RPS6KC1: variants seen among roughly 807,000 people sequenced by gnomAD.
The protein encoded by RPS6KC1 is ribosomal protein S6 kinase C1, also known as inactive ribosomal protein S6 kinase delta-1.
RPS6KC1 carries 54 observed loss-of-function variants against 103.8 expected under a neutral mutation model. The observed-to-expected ratio is 0.52, with a 90% CI of 0.42 to 0.65. RPS6KC1 has a LOEUF of 0.65. RPS6KC1 is among the 30% of genes least tolerant of loss of function. The pLI is 0.00. For missense variants in RPS6KC1, 1,151 were observed against 1,253.8 expected (o/e 0.92, Z 1.24); for synonymous variants, 439 against 438.7 (o/e 1.00, Z -0.01).
At chr1:213,430,029 A>G in the RPS6KC1 span, among the ~76,000 whole-genome samples, 1 of 152,198 alleles carries the variant, frequency 6.6e-6, no homozygotes, top group Non-Finnish European at 1.5e-5. Context: ...TCATGAAGGA[A>G]GGGTTGGCTC....
chr1:213,250,998 C>T (rs535078981), intron 12 of RPS6KC1, among the ~76,000 whole-genome samples: 12 of 151,658 alleles, frequency 7.9e-5, no homozygotes, highest in Non-Finnish European at 1.6e-4. Flanking sequence ...ATTTGTGGCA[C>T]ATTTTATGGA....
the RPS6KC1 span, among the ~76,000 whole-genome samples, chr1:213,489,403 T>C: frequency 6.6e-6 from 1 of 152,120 alleles, no homozygotes; most frequent in Non-Finnish European, 1.5e-5. Flanking sequence ...GACATAACGC[T>C]TAGGAATCAT....
the RPS6KC1 span, chr1:213,820,178 C>G: frequency 6.6e-6 from 1 of 152,184 alleles, no homozygotes; most frequent in African/African-American, 2.4e-5. Context: ...AGTTATCCTC[C>G]ATTTCCCTAG....
chr1:213,631,293 C>A, the RPS6KC1 span, among the ~76,000 whole-genome samples: 5 of 151,118 alleles, frequency 3.3e-5, no homozygotes, highest in Non-Finnish European at 7.4e-5. Flanking sequence ...CACCCATCTT[C>A]TGTGTCGTTC....
intron 7 of RPS6KC1, among the ~76,000 whole-genome samples, chr1:213,172,392 G>A (rs1307027875): frequency 2.0e-5 from 3 of 152,080 alleles, no homozygotes; most frequent in Non-Finnish European, 4.4e-5. Flanking sequence ...CCAGGCGTTC[G>A]AGACCAGCCT....
chr1:213,283,135 G>A, the RPS6KC1 span, among the ~76,000 whole-genome samples: 4 of 152,072 alleles, frequency 2.6e-5, no homozygotes, highest in African/African-American at 7.2e-5. Context: ...ACCTCTACTC[G>A]CTCCGTACAT....
intron 8 of RPS6KC1, among the ~76,000 whole-genome samples, chr1:213,214,403 C>T (rs1208087778): frequency 6.6e-5 from 10 of 152,186 alleles, no homozygotes; most frequent in South Asian, 2.1e-4. Context: ...TGGAGCCCAG[C>T]GCAGCTCAAG....
chr1:213,271,637 G>T lies in RPS6KC1; in HGVS notation c.3091-887G>T, dbSNP rs372624612. Among the ~76,000 whole-genome samples the T allele has an allele frequency of 3.5e-3, 539 of 152,110 alleles. 1 individual carries two copies. The highest frequency in any genetic ancestry group is 0.012 in the African/African-American group (506 of 41,518). ...AAATTAGCCGGGCATGGTGGCGCGC[G>T]CCTGTAGTCCCAGCTACACGGGAGG... On this transcript the variant is annotated intron_variant, in intron 14 of 14. Coordinates refer to ENST00000366960, the MANE Select transcript of RPS6KC1 (RefSeq NM_012424.6).
At chr1:213,626,463 G>A in the RPS6KC1 span, among the ~76,000 whole-genome samples, 8 of 152,132 alleles carry the variant, frequency 5.3e-5, no homozygotes, top group Admixed American at 5.2e-4. Context: ...GGCTTTTGTT[G>A]TCATTGCTTT....
intron 8 of RPS6KC1, among the ~76,000 whole-genome samples, chr1:213,219,569 T>C (rs1478027784): frequency 6.6e-6 from 1 of 152,210 alleles, no homozygotes; most frequent in African/African-American, 2.4e-5. Flanking sequence ...CGTATGTTTA[T>C]TGCAGCACTA....
the RPS6KC1 span, among the ~76,000 whole-genome samples, chr1:213,420,854 G>A: frequency 6.6e-6 from 1 of 152,136 alleles, no homozygotes; most frequent in African/African-American, 2.4e-5. Context: ...GAACATGCAG[G>A]GCAGACCCCA....
the RPS6KC1 span, among the ~76,000 whole-genome samples, chr1:213,666,203 T>G: frequency 6.6e-6 from 1 of 152,190 alleles, no homozygotes; most frequent in Non-Finnish European, 1.5e-5. Context: ...ACTTACTGAA[T>G]GAAGCATTTC....
chr1:213,625,324 A>T, the RPS6KC1 span, among the ~76,000 whole-genome samples: 1 of 152,178 alleles, frequency 6.6e-6, no homozygotes, highest in Non-Finnish European at 1.5e-5. Context: ...ATATTTTTAT[A>T]TGTGTGTACT....
chr1:213,810,860 C>A, the RPS6KC1 span, among the ~76,000 whole-genome samples: 1 of 152,164 alleles, frequency 6.6e-6, no homozygotes, highest in African/African-American at 2.4e-5. Context: ...TCAGAGATAT[C>A]ATCTCTCATC....
chr1:213,640,648 T>G, the RPS6KC1 span, among the ~76,000 whole-genome samples: 21,238 of 151,680 alleles, frequency 0.14, 2,324 homozygotes, highest in African/African-American at 0.31. Context: ...TTTTGATCTA[T>G]GGATTATTTT....
At chr1:213,554,357 C>G in the RPS6KC1 span, among the ~76,000 whole-genome samples, 1 of 152,124 alleles carries the variant, frequency 6.6e-6, no homozygotes, top group Non-Finnish European at 1.5e-5. Flanking sequence ...TCTGGTTTCT[C>G]TAACATGTTC....
intron 6 of RPS6KC1, among the ~76,000 whole-genome samples, chr1:213,143,891 G>A (rs941696643): frequency 4.1e-5 from 6 of 147,610 alleles, no homozygotes; most frequent in African/African-American, 1.3e-4. Flanking sequence ...TCTAGCTTCT[G>A]GTGGCCACCT....
the RPS6KC1 span, among the ~76,000 whole-genome samples, chr1:213,703,957 C>G: frequency 2.0e-3 from 303 of 152,088 alleles, 1 homozygote; most frequent in African/African-American, 6.5e-3. Flanking sequence ...GACCAGTAAC[C>G]CTTAGATTTG....
the RPS6KC1 span, among the ~76,000 whole-genome samples, chr1:213,400,629 A>C: frequency 3.9e-5 from 6 of 152,056 alleles, no homozygotes; most frequent in African/African-American, 4.8e-5. Context: ...ACTGGAACCC[A>C]GGTGTCCTGA....
Sources: allele counts gnomAD v4.1 joint callset (sites outside exome capture counted in the v4.1 genomes callset), GRCh38; gene constraint gnomAD v4.1.1; transcripts MANE v1.5; gene names NCBI Gene and HGNC (gene_info 2026-07-23, HGNC 2026-07-21).